The following SERPINB10 variants were observed in gnomAD, a reference collection of about 807,000 sequenced individuals.
SERPINB10 encodes the protein serpin family B member 10, also known as serpin B10.
A neutral mutation model predicts 39.1 loss-of-function variants in SERPINB10; 35 were observed. That is an observed-to-expected ratio of 0.90 (90% confidence interval 0.68 to 1.19). SERPINB10 has a LOEUF of 1.19. SERPINB10 is among the 50% of genes most tolerant of loss of function. The pLI is 0.00. For synonymous variants in SERPINB10, 190 were observed against 158.1 expected (o/e 1.20, Z -1.52); for missense variants, 546 against 460.5 (o/e 1.19, Z -1.70).
At chr18:63,917,602 A>G in intron 3 of SERPINB10, 81 bp downstream of exon 3, 1 of 764,994 alleles carries the variant, frequency 1.3e-6, no homozygotes, top group East Asian at 3.0e-5. Context: ...TAACTGAAGC[A>G]ACTTTTAGCA....
intron 5 of SERPINB10, among the ~76,000 whole-genome samples, chr18:63,921,374 C>T (rs2050145635): frequency 6.6e-6 from 1 of 151,866 alleles, no homozygotes. Flanking sequence ...TTTCCCAGAC[C>T]TTGTCTTCCT....
At chr18:63,926,192 T>C (rs1418211301) in intron 5 of SERPINB10, among the ~76,000 whole-genome samples, 2 of 152,170 alleles carry the variant, frequency 1.3e-5, no homozygotes, top group African/African-American at 2.4e-5. Flanking sequence ...TTCTGGTGGT[T>C]GTTGACAATC....
At chr18:63,917,825 A>G in intron 3 of SERPINB10, 140 bp from the exon 4 acceptor site, 2 of 749,092 alleles carry the variant, frequency 2.7e-6, no homozygotes, top group South Asian at 2.0e-5. Flanking sequence ...CTAACACTAA[A>G]GAAAACATTT....
chr18:63,918,162 A>G (rs2050118679), intron 4 of SERPINB10, 60 bp downstream of exon 4: 3 of 1,556,664 alleles, frequency 1.9e-6, no homozygotes, highest in South Asian at 2.2e-5. Flanking sequence ...GAGACCAATC[A>G]GTAAACTCTG....
intron 5 of SERPINB10, among the ~76,000 whole-genome samples, chr18:63,929,531 G>T (rs1221945834): frequency 6.6e-6 from 1 of 151,896 alleles, no homozygotes; most frequent in Non-Finnish European, 1.5e-5. Context: ...TTGCCCAGAG[G>T]TAGTGCTAAG....
Position 63,935,428 on chromosome 18 carries a change from TG to T in SERPINB10, c.*187del, listed in dbSNP as rs1179685809. On this transcript the variant is annotated 3_prime_UTR_variant, in exon 8 of 8. Transcript: ENST00000238508. The stretch of plus-strand genomic sequence containing the variant: ...GTCATATCTGTACAGCTGGAGAGAA[TG>T]ACGATTTTTATTTTTAACACGTTAA... 1 of 546,924 alleles carries T rather than the reference TG, an allele frequency of 1.8e-6. No homozygotes were observed. The allele number at this position is 546,924 out of a possible 1,614,324, so 33.9% of individuals were successfully genotyped here.
rs1225445232 is a variant in SERPINB10, at chr18:63,915,392, C to T, written c.-9-110C>T. 7 of 657,736 alleles carry T rather than the reference C, an allele frequency of 1.1e-5. No individual in the cohort carries two copies. The South Asian group carries it at 1.3e-4, about 13-fold the overall frequency. The allele number at this position is 657,736 out of a possible 1,614,324, so 40.7% of individuals were successfully genotyped here. A position where few individuals can be genotyped will look rare whatever the true frequency, so the allele number is the denominator to read the frequency against. On this transcript the variant is annotated intron_variant, in intron 1 of 7. Transcript: ENST00000238508. ...GAATTTTGCTAAAGTCTATTCAGCT[C>T]ATATGACAATGTATATGGATATGTA... is the stretch of plus-strand genomic sequence containing the variant.
At chr18:63,929,609 A>G (rs956886426) in intron 5 of SERPINB10, among the ~76,000 whole-genome samples, 26 of 151,682 alleles carry the variant, frequency 1.7e-4, no homozygotes, top group Non-Finnish European at 2.7e-4. Flanking sequence ...TTCCTTTTTT[A>G]CCACTATGTT....
intron 5 of SERPINB10, among the ~76,000 whole-genome samples, chr18:63,920,527 G>A (rs577772249): frequency 1.3e-5 from 2 of 152,110 alleles, no homozygotes; most frequent in Non-Finnish European, 2.9e-5. Flanking sequence ...ATCTCTAGGT[G>A]CAAGATGGTT....
chr18:63,911,883 C>T (rs767263023), intron 1 of SERPINB10, among the ~76,000 whole-genome samples: 6 of 151,976 alleles, frequency 3.9e-5, no homozygotes, highest in Non-Finnish European at 8.8e-5. Context: ...GCCATTTTAA[C>T]AATACTGATG....
At position 63,908,034 on chromosome 18, in the gene SERPINB10, A is replaced by G; in HGVS notation, c.-16A>G. 2.9e-6 allele frequency: 1 copy of G among 339,570 alleles called. No individual in the cohort carries two copies. Among genetic ancestry groups the G allele is most frequent in the Non-Finnish European group, 6.1e-6 (1 of 164,350 alleles). 21.0% of individuals were successfully genotyped at this position (339,570 alleles called of 1,614,324 possible). Reference sequence around the variant, plus strand: ...TTGCCAATTCTGCTCCAGTGGGAGAAAACAAGGTATTGTAAATATTTCTTT... The same window carrying G: ...TTGCCAATTCTGCTCCAGTGGGAGAGAACAAGGTATTGTAAATATTTCTTT... On this transcript the variant is annotated 5_prime_UTR_variant, in exon 1 of 8. Coordinates refer to ENST00000238508, the MANE Select transcript of SERPINB10 (RefSeq NM_005024.3).
chr18:63,908,166 C>T (rs779765296), intron 1 of SERPINB10, 126 bp downstream of exon 1: 1 of 194,624 alleles, frequency 5.1e-6, no homozygotes, highest in Non-Finnish European at 1.2e-5. Flanking sequence ...TAGATAAGGC[C>T]CAATCCCTTA....
At position 63,933,174 on chromosome 18, in the gene SERPINB10, CTG is replaced by C; in HGVS notation, c.761_762del (p.Leu254ProfsTer5). ...CCGTGACCTCAGCCTGCTTATACTA[CTG>C]CCAGAAGACATTAATGGGCTGGAAC... Reference protein sequence around the residue: ...KSRDLSLLILLPEDINGLEQL... With the variant: ...KSRDLSLLILXPEDINGLEQL... On this transcript the variant is annotated frameshift_variant, in exon 7 of 8. Transcript: ENST00000238508. LOFTEE classifies it high-confidence loss of function. 5.0e-6 allele frequency: 8 copies of C among 1,614,042 alleles called. No individual in the cohort carries two copies. Among genetic ancestry groups the C allele is most frequent in the Non-Finnish European group, 5.9e-6 (7 of 1,179,938 alleles).
At chr18:63,912,004 G>A (rs2099506957) in intron 1 of SERPINB10, among the ~76,000 whole-genome samples, 1 of 151,558 alleles carries the variant, frequency 6.6e-6, no homozygotes, top group African/African-American at 2.4e-5. Flanking sequence ...TCTTCATCAG[G>A]TGTATTCCTG....
chr18:63,933,635 C>T (rs948934239), intron 7 of SERPINB10, among the ~76,000 whole-genome samples: 14 of 152,166 alleles, frequency 9.2e-5, no homozygotes, highest in Non-Finnish European at 1.3e-4. Flanking sequence ...CACACACGTA[C>T]GCAGACATCA....
rs1298647501 is a variant in SERPINB10 at position 63,917,816 on chromosome 18, T to C, written c.235-149T>C. ...TCAATAACATTTCATTCTTTTGCACTAACACTAAAGAAAACATTTTTATCC... is the reference window on the plus strand; with the variant it reads ...TCAATAACATTTCATTCTTTTGCACCAACACTAAAGAAAACATTTTTATCC... On this transcript the variant is annotated intron_variant, in intron 3 of 7. Transcript: ENST00000238508. 4.2e-6 allele frequency: 3 copies of C among 707,298 alleles called. No homozygotes were observed. The East Asian group carries it at 8.1e-5, about 19-fold the overall frequency. 43.8% of individuals were successfully genotyped at this position (707,298 alleles called of 1,614,324 possible). A position where few individuals can be genotyped will look rare whatever the true frequency, so the allele number is the denominator to read the frequency against.
rs544935549 is a variant in SERPINB10 at position 63,934,921 on chromosome 18, T to C, written c.873T>C (p.Leu291=). 35 of 1,614,172 alleles carry C rather than the reference T, an allele frequency of 2.2e-5. No homozygotes were observed. The highest frequency in any genetic ancestry group is 2.8e-5 in the Non-Finnish European group (33 of 1,180,030). Residue 291 remains leucine, a synonymous_variant, in exon 8 of 8, where the codon CTT becomes CTC. Transcript: ENST00000238508. ...MMELYEVQLH[L]PKFKLEDSYD... Reference sequence around the variant, plus strand: ...AGTTGTATGAAGTGCAGCTACACCTTCCCAAGTTCAAGCTGGAAGACAGTT... The same window carrying C: ...AGTTGTATGAAGTGCAGCTACACCTCCCCAAGTTCAAGCTGGAAGACAGTT...
chr18:63,916,338 G>T (rs1467974107), intron 2 of SERPINB10, among the ~76,000 whole-genome samples: 6 of 125,724 alleles, frequency 4.8e-5, no homozygotes. Context: ...ATATAAATGT[G>T]ATTTTAAATA....
intron 2 of SERPINB10, among the ~76,000 whole-genome samples, chr18:63,916,068 A>G (rs28558645): frequency 0.26 from 39,531 of 151,846 alleles, 5,809 homozygotes; most frequent in African/African-American, 0.39. Context: ...CACAAAAAAG[A>G]AAAATAAAAG....
Sources: gnomAD v4.1 joint callset for allele counts (sites outside exome capture counted in the v4.1 genomes callset) on GRCh38, gnomAD v4.1.1 for gene constraint, MANE v1.5 for transcripts, NCBI Gene and HGNC (gene_info 2026-07-23, HGNC 2026-07-21) for gene names.